Variants in FAM117B observed in about 807,000 individuals in gnomAD.
FAM117B encodes the protein family with sequence similarity 117 member B.
Under a neutral mutation model 52.8 loss-of-function variants are expected in FAM117B, and 22 were observed. That is an observed-to-expected ratio of 0.42 (90% CI 0.30 to 0.59). The LOEUF (loss-of-function observed/expected upper bound fraction) is 0.59, where lower values mean the gene tolerates loss of function less well. Among genes scored for constraint, FAM117B ranks in the 20% least tolerant of loss-of-function variants. The pLI is 0.22. For missense variants in FAM117B, 678 were observed against 802.6 expected (o/e 0.84, Z 1.88); for synonymous variants, 309 against 324.1 (o/e 0.95, Z 0.50).
At chr2:202,644,053 GTTTTTTTTTTGTT>G (rs1306972125) in intron 1 of FAM117B, among the ~76,000 whole-genome samples, 27 of 60,160 alleles carry the variant, frequency 4.5e-4, no homozygotes, top group African/African-American at 8.8e-4. Flanking sequence ...TTTAGGAGCT[GTTTTTTTTTTGTT>G]TTTTTTTTTT....
At chr2:202,673,470 C>G (rs1389297680) in intron 1 of FAM117B, among the ~76,000 whole-genome samples, 1 of 40,422 alleles carries the variant, frequency 2.5e-5, no homozygotes, top group Non-Finnish European at 3.9e-5. Flanking sequence ...TTTTTTGAGA[C>G]GTTGTCTTGC....
chr2:202,681,699 T>C (rs1690465187), intron 1 of FAM117B, among the ~76,000 whole-genome samples: 1 of 152,230 alleles, frequency 6.6e-6, no homozygotes, highest in Non-Finnish European at 1.5e-5. Flanking sequence ...TTTAGAACAC[T>C]TAATAACATT....
At chr2:202,668,159 TA>T (rs1690234446) in intron 1 of FAM117B, among the ~76,000 whole-genome samples, 1 of 142,536 alleles carries the variant, frequency 7.0e-6, no homozygotes, top group Non-Finnish European at 1.5e-5. Flanking sequence ...AATATATAAT[TA>T]TATAATACAT....
chr2:202,744,998 A>G (rs1691609346), intron 4 of FAM117B, among the ~76,000 whole-genome samples: 2 of 116,770 alleles, frequency 1.7e-5, no homozygotes, highest in African/African-American at 6.1e-5. Flanking sequence ...AAAAAAAAAA[A>G]AGGCTGGGCA....
intron 2 of FAM117B, among the ~76,000 whole-genome samples, chr2:202,716,690 T>G (rs1055627917): frequency 3.3e-5 from 5 of 152,178 alleles, no homozygotes; most frequent in African/African-American, 9.7e-5. Context: ...TAGGCATGCT[T>G]TATTGTTTTC....
chr2:202,690,423 T>G (rs1002312572), intron 1 of FAM117B, among the ~76,000 whole-genome samples: 1 of 152,166 alleles, frequency 6.6e-6, no homozygotes, highest in African/African-American at 2.4e-5. Flanking sequence ...AGGGTTTGCC[T>G]TAATCACTGG....
chr2:202,649,042 G>A (rs992503953), intron 1 of FAM117B, among the ~76,000 whole-genome samples: 4 of 152,136 alleles, frequency 2.6e-5, no homozygotes, highest in Admixed American at 6.5e-5. Flanking sequence ...ATGAGCCACC[G>A]TGCCCGGCTG....
At chr2:202,668,225 A>G (rs1276639249) in intron 1 of FAM117B, among the ~76,000 whole-genome samples, 1 of 145,434 alleles carries the variant, frequency 6.9e-6, no homozygotes, top group Non-Finnish European at 1.5e-5. Flanking sequence ...ATACAATATA[A>G]TATATATTAA....
At chr2:202,663,431 T>C (rs754531984) in intron 1 of FAM117B, among the ~76,000 whole-genome samples, 16 of 152,224 alleles carry the variant, frequency 1.1e-4, no homozygotes, top group Non-Finnish European at 1.9e-4. Context: ...TGGTTTTTAT[T>C]GAAAAGCGTG....
chr2:202,637,336 C>G (rs1057430666), intron 1 of FAM117B, among the ~76,000 whole-genome samples: 1 of 152,080 alleles, frequency 6.6e-6, no homozygotes, highest in Non-Finnish European at 1.5e-5. Flanking sequence ...CGGCTCACTG[C>G]AACCATGGTC....
chr2:202,695,364 A>G (rs1195603224), intron 1 of FAM117B, among the ~76,000 whole-genome samples: 1 of 152,064 alleles, frequency 6.6e-6, no homozygotes, highest in Non-Finnish European at 1.5e-5. Context: ...AAATTGCGCC[A>G]TTCTGAGTAG....
At chr2:202,751,373 C>T (rs543818794) in intron 4 of FAM117B, among the ~76,000 whole-genome samples, 4 of 152,180 alleles carry the variant, frequency 2.6e-5, no homozygotes, top group African/African-American at 7.2e-5. Context: ...GAGTTGTCAC[C>T]GCTTATGAAA....
chr2:202,731,792 A>G (rs1333451626), intron 4 of FAM117B, among the ~76,000 whole-genome samples: 2 of 147,482 alleles, frequency 1.4e-5, no homozygotes, highest in African/African-American at 2.5e-5. Flanking sequence ...CTAGAGTGCA[A>G]TGGCATGATC....
chr2:202,668,110 AAAT>A (rs1371606000), intron 1 of FAM117B, among the ~76,000 whole-genome samples: 2 of 145,372 alleles, frequency 1.4e-5, no homozygotes, highest in Non-Finnish European at 3.0e-5. Context: ...TTTATATAAA[AAAT>A]ATTTTTATAA....
chr2:202,761,443 GGT>G (rs758690586), intron 7 of FAM117B, among the ~76,000 whole-genome samples: 4 of 151,954 alleles, frequency 2.6e-5, no homozygotes, highest in African/African-American at 9.7e-5. Flanking sequence ...AGACCAGAGA[GGT>G]GTGTGTGTGT....
intron 4 of FAM117B, among the ~76,000 whole-genome samples, chr2:202,747,566 CAA>C (rs901567461): frequency 2.6e-5 from 4 of 151,558 alleles, no homozygotes; most frequent in African/African-American, 9.7e-5. Context: ...CAAAAGACTA[CAA>C]AAAAAATCAC....
chr2:202,726,109 C>A, intron 3 of FAM117B, 141 bp from the exon 4 acceptor site: 1 of 595,282 alleles, frequency 1.7e-6, no homozygotes, highest in Non-Finnish European at 3.0e-6. Flanking sequence ...AAATTATGAA[C>A]AAAAAATGAG....
intron 1 of FAM117B, among the ~76,000 whole-genome samples, chr2:202,665,331 C>T (rs1024601250): frequency 6.6e-6 from 1 of 151,818 alleles, no homozygotes; most frequent in East Asian, 1.9e-4. Context: ...AGTTGGCCAA[C>T]CCTCTCAATT....
intron 1 of FAM117B, among the ~76,000 whole-genome samples, chr2:202,693,590 T>C (rs1690666134): frequency 6.6e-6 from 1 of 152,222 alleles, no homozygotes; most frequent in Admixed American, 6.5e-5. Flanking sequence ...AGCGAGACTG[T>C]ATGTCAAAAA....
Sources: gnomAD v4.1 joint callset for allele counts (sites outside exome capture counted in the v4.1 genomes callset) on GRCh38, gnomAD v4.1.1 for gene constraint, MANE v1.5 for transcripts, NCBI Gene and HGNC (gene_info 2026-07-23, HGNC 2026-07-21) for gene names.